The following ARMH3 variants were observed in gnomAD, a reference collection of about 807,000 sequenced individuals.
The protein encoded by ARMH3 is armadillo like helical domain containing 3, also known as armadillo-like helical domain-containing protein 3.
In ARMH3, 60 loss-of-function variants were observed where a neutral mutation model predicts 99.1. The ratio of observed to expected loss-of-function variants is 0.61; its 90% CI spans 0.49 to 0.75. The LOEUF (loss-of-function observed/expected upper bound fraction) is 0.75, where lower values mean the gene tolerates loss of function less well. Ranked by LOEUF, ARMH3 falls within the 30% of genes least tolerant of loss-of-function variation. The pLI, the probability that ARMH3 is intolerant of heterozygous loss-of-function variation, is 0.00. For missense variants in ARMH3, 679 were observed against 843.1 expected (o/e 0.81, Z 2.41); for synonymous variants, 285 against 292.8 (o/e 0.97, Z 0.27).
chr10:102,039,755 T>C (rs2067363576), intron 2 of ARMH3, among the ~76,000 whole-genome samples: 1 of 152,156 alleles, frequency 6.6e-6, no homozygotes, highest in South Asian at 2.1e-4. Context: ...TTCCCCAGCC[T>C]TCCTCCCTCC....
At chr10:101,947,408 G>A (rs908176733) in intron 22 of ARMH3, among the ~76,000 whole-genome samples, 3 of 151,996 alleles carry the variant, frequency 2.0e-5, no homozygotes, top group Non-Finnish European at 4.4e-5. Flanking sequence ...GTTGAGGCAG[G>A]AGGATCACTT....
intron 24 of ARMH3, among the ~76,000 whole-genome samples, chr10:101,865,283 C>T (rs777871282): frequency 9.3e-5 from 14 of 151,008 alleles, no homozygotes; most frequent in African/African-American, 2.4e-4. Flanking sequence ...GTAATGAACA[C>T]GTAAGATATA....
chr10:101,943,054 G>A (rs938614176), intron 22 of ARMH3, among the ~76,000 whole-genome samples: 7 of 152,126 alleles, frequency 4.6e-5, no homozygotes, highest in African/African-American at 1.7e-4. Flanking sequence ...CAACTGCCCT[G>A]CAGAAAAGTT....
intron 23 of ARMH3, among the ~76,000 whole-genome samples, chr10:101,919,704 T>C (rs1843229139): frequency 6.6e-6 from 1 of 152,216 alleles, no homozygotes; most frequent in South Asian, 2.1e-4. Context: ...GTTGTGCTTT[T>C]CACACTCCAC....
chr10:102,030,243 A>C (rs967161795), intron 4 of ARMH3, among the ~76,000 whole-genome samples: 1 of 152,164 alleles, frequency 6.6e-6, no homozygotes, highest in African/African-American at 2.4e-5. Flanking sequence ...CAGTATGTGC[A>C]AAATCCAGCA....
At chr10:101,922,635 T>C (rs1021949930) in intron 23 of ARMH3, among the ~76,000 whole-genome samples, 1 of 152,214 alleles carries the variant, frequency 6.6e-6, no homozygotes, top group African/African-American at 2.4e-5. Flanking sequence ...TAATAGAATT[T>C]ATCAAATAGT....
chr10:101,919,166 G>A (rs1349341403), intron 23 of ARMH3, among the ~76,000 whole-genome samples: 1 of 152,164 alleles, frequency 6.6e-6, no homozygotes, highest in Non-Finnish European at 1.5e-5. Flanking sequence ...TATCAACGCA[G>A]TGAGATTTAA....
At chr10:101,929,992 C>T (rs1349090909) in intron 23 of ARMH3, among the ~76,000 whole-genome samples, 6 of 151,966 alleles carry the variant, frequency 3.9e-5, no homozygotes. Context: ...TGAGCATTTC[C>T]CTTAAACATC....
At chr10:101,991,361 TCAAAC>T (rs1846783539) in intron 18 of ARMH3, among the ~76,000 whole-genome samples, 1 of 152,042 alleles carries the variant, frequency 6.6e-6, no homozygotes, top group Admixed American at 6.6e-5. Context: ...GCACATCAAT[TCAAAC>T]CAAGAAAGGA....
chr10:101,984,936 G>T (rs1846397330), intron 19 of ARMH3, among the ~76,000 whole-genome samples: 2 of 151,906 alleles, frequency 1.3e-5, no homozygotes, highest in Non-Finnish European at 2.9e-5. Context: ...GGGCGTGGTG[G>T]TGCTTGCCTA....
intron 20 of ARMH3, among the ~76,000 whole-genome samples, chr10:101,974,185 A>C (rs928250092): frequency 1.3e-5 from 2 of 152,178 alleles, no homozygotes; most frequent in Admixed American, 1.3e-4. Context: ...TAACTGCAAA[A>C]ACTTGCTAAT....
chr10:102,032,223 A>G (rs946890360), intron 4 of ARMH3, among the ~76,000 whole-genome samples: 3 of 152,192 alleles, frequency 2.0e-5, no homozygotes, highest in African/African-American at 7.2e-5. Context: ...CACTGGAAAC[A>G]AACTACTGAA....
At chr10:102,012,466 A>G (rs1282433086) in intron 10 of ARMH3, among the ~76,000 whole-genome samples, 4 of 152,234 alleles carry the variant, frequency 2.6e-5, no homozygotes, top group African/African-American at 9.6e-5. Flanking sequence ...TTAAGATAAC[A>G]AAAAAGCAGT....
intron 19 of ARMH3, among the ~76,000 whole-genome samples, chr10:101,977,229 T>C (rs1345880678): frequency 1.3e-5 from 2 of 152,200 alleles, no homozygotes; most frequent in African/African-American, 2.4e-5. Context: ...CAATGACATA[T>C]ATGTTTCTGA....
At chr10:101,985,108 C>CAT (rs1474958147) in intron 19 of ARMH3, among the ~76,000 whole-genome samples, 2 of 150,624 alleles carry the variant, frequency 1.3e-5, no homozygotes, top group East Asian at 3.9e-4. Context: ...CACACACACA[C>CAT]ACACGTGTAC....
intron 20 of ARMH3, among the ~76,000 whole-genome samples, chr10:101,961,549 G>A (rs1161915978): frequency 1.3e-5 from 2 of 152,128 alleles, no homozygotes; most frequent in African/African-American, 4.8e-5. Context: ...CAGGGTTTAT[G>A]CCAAAAAAGA....
At chr10:101,974,423 G>T (rs1845902551) in intron 20 of ARMH3, among the ~76,000 whole-genome samples, 2 of 152,154 alleles carry the variant, frequency 1.3e-5, no homozygotes, top group Non-Finnish European at 2.9e-5. Context: ...TAATCATCTG[G>T]AGAAGATTTT....
chr10:101,995,456 C>CTTT, intron 15 of ARMH3, 101 bp from the exon 16 acceptor site: 1 of 953,088 alleles, frequency 1.0e-6, no homozygotes, highest in Non-Finnish European at 1.6e-6. Context: ...AACATTCACA[C>CTTT]TTTCTCTTCC....
intron 24 of ARMH3, among the ~76,000 whole-genome samples, chr10:101,881,530 CG>C (rs2067418299): frequency 6.6e-6 from 1 of 151,924 alleles, no homozygotes; most frequent in Non-Finnish European, 1.5e-5. Flanking sequence ...ATGATTAAAA[CG>C]GTAAGTAGTG....
Sources: allele counts gnomAD v4.1 joint callset (sites outside exome capture counted in the v4.1 genomes callset), GRCh38; gene constraint gnomAD v4.1.1; transcripts MANE v1.5; gene names NCBI Gene and HGNC (gene_info 2026-07-23, HGNC 2026-07-21).